Variants in IGF1R observed in about 807,000 individuals in gnomAD.
IGF1R encodes the protein insulin-like growth factor 1 receptor.
Under a neutral mutation model 144.6 loss-of-function variants are expected in IGF1R, and 44 were observed. That is an observed-to-expected ratio of 0.30 (90% CI 0.24 to 0.39). IGF1R has a LOEUF of 0.39. Ranked by LOEUF, IGF1R falls within the 10% of genes least tolerant of loss-of-function variation. IGF1R has a pLI of 1.00. For synonymous variants in IGF1R, 795 were observed against 722.8 expected, an observed-to-expected ratio of 1.10 and a Z score of -1.60; for missense variants, 1,355 against 1,833.7, an observed-to-expected ratio of 0.74 and a Z score of 4.77.
At chr15:98,811,050 C>T (rs2141456812) in intron 2 of IGF1R, among the ~76,000 whole-genome samples, 1 of 152,082 alleles carries the variant, frequency 6.6e-6, no homozygotes, top group Admixed American at 6.5e-5. Context: ...CCTGTAATCC[C>T]AGCACTTTGA....
At chr15:98,855,459 A>C (rs932180305) in intron 2 of IGF1R, among the ~76,000 whole-genome samples, 1 of 152,232 alleles carries the variant, frequency 6.6e-6, no homozygotes, top group Non-Finnish European at 1.5e-5. Flanking sequence ...TTTATCATCC[A>C]TAGATGGAGA....
intron 2 of IGF1R, among the ~76,000 whole-genome samples, chr15:98,716,226 T>G (rs183544637): frequency 9.9e-5 from 15 of 152,270 alleles, no homozygotes; most frequent in Admixed American, 4.6e-4. Context: ...ACTCTAAAAT[T>G]GAGTAAGTTA....
At chr15:98,731,699 A>G (rs1480728906) in intron 2 of IGF1R, among the ~76,000 whole-genome samples, 5 of 152,182 alleles carry the variant, frequency 3.3e-5, no homozygotes, top group South Asian at 2.1e-4. Context: ...CCTTCACGCT[A>G]CTGAACCCCA....
At chr15:98,949,951 C>T (rs979794641) in intron 20 of IGF1R, among the ~76,000 whole-genome samples, 2 of 152,168 alleles carry the variant, frequency 1.3e-5, no homozygotes, top group African/African-American at 4.8e-5. Flanking sequence ...ATCAGGCGCA[C>T]AACAGGTACA....
At chr15:98,654,168 C>T (rs1241522945) in intron 1 of IGF1R, among the ~76,000 whole-genome samples, 1 of 151,984 alleles carries the variant, frequency 6.6e-6, no homozygotes, top group East Asian at 1.9e-4. Flanking sequence ...AAGCCTTTAC[C>T]CTATACCTTT....
chr15:98,956,957 C>G, intron 20 of IGF1R, 104 bp from the exon 21 acceptor site: 1 of 1,312,140 alleles, frequency 7.6e-7, no homozygotes, highest in Non-Finnish European at 1.1e-6. Context: ...TCAGTGCTCC[C>G]GCCGTACGCT....
chr15:98,935,070 G>A lies in IGF1R; in HGVS notation c.3186+17G>A. ...CACCATGTGGTAAGAGAAAGTTCCT[G>A]AAAAGCCAAAATGCAGCACAGGGAG... On this transcript the variant is annotated intron_variant, in intron 16 of 20. Coordinates refer to ENST00000650285, the MANE Select transcript of IGF1R (RefSeq NM_000875.5). This position sits in a 1 kb window ranked among gnomAD's most constrained non-coding sequence, Gnocchi z 4.2. 1 of 1,595,268 alleles carries A rather than the reference G, an allele frequency of 6.3e-7. No homozygotes were observed. The highest frequency in any genetic ancestry group is 1.1e-5 in the South Asian group (1 of 90,644).
At chr15:98,951,466 T>A (rs1364447667) in intron 20 of IGF1R, among the ~76,000 whole-genome samples, 1 of 152,232 alleles carries the variant, frequency 6.6e-6, no homozygotes, top group Non-Finnish European at 1.5e-5. Flanking sequence ...TATCGCAGTA[T>A]AACAAACTAC....
intron 2 of IGF1R, among the ~76,000 whole-genome samples, chr15:98,887,427 T>C (rs1333085202): frequency 8.0e-6 from 1 of 125,582 alleles, no homozygotes; most frequent in Non-Finnish European, 1.6e-5. Context: ...TTTTCAACGT[T>C]CTTATTACTA....
intron 2 of IGF1R, among the ~76,000 whole-genome samples, chr15:98,780,558 AAAAAAAAAAAAAAAAAAGAGAG>A (rs2055834465): frequency 1.1e-4 from 2 of 17,880 alleles, no homozygotes; most frequent in African/African-American, 2.0e-4. Context: ...TCAAAAAAAA[AAAAAAAAAAAAAAAAAAGAGAG>A]AGAGAGTAAA....
intron 2 of IGF1R, among the ~76,000 whole-genome samples, chr15:98,844,816 T>C (rs2011251436): frequency 6.6e-6 from 1 of 152,338 alleles, no homozygotes; most frequent in Non-Finnish European, 1.5e-5. Flanking sequence ...TTCCCTAAGA[T>C]TCATTTAGCC....
chr15:98,764,187 A>T (rs2055376689), intron 2 of IGF1R, among the ~76,000 whole-genome samples: 1 of 152,210 alleles, frequency 6.6e-6, no homozygotes, highest in Non-Finnish European at 1.5e-5. Context: ...AGAGCTTTTA[A>T]TTACCTGAAG....
At chr15:98,812,433 T>C (rs2056611587) in intron 2 of IGF1R, among the ~76,000 whole-genome samples, 1 of 152,016 alleles carries the variant, frequency 6.6e-6, no homozygotes, top group Non-Finnish European at 1.5e-5. Context: ...CTCAGTTCAC[T>C]GCAATCTCCG....
At chr15:98,667,071 A>T (rs1281441206) in intron 1 of IGF1R, among the ~76,000 whole-genome samples, 2 of 152,180 alleles carry the variant, frequency 1.3e-5, no homozygotes, top group Non-Finnish European at 2.9e-5. Context: ...GGCCTTGAAA[A>T]AAAACGCAGG....
intron 2 of IGF1R, among the ~76,000 whole-genome samples, chr15:98,725,361 C>A (rs1012254781): frequency 5.9e-5 from 9 of 152,222 alleles, no homozygotes; most frequent in African/African-American, 1.9e-4. Context: ...CCTAGCATTT[C>A]ATCCCATGTT....
chr15:98,699,500 G>A (rs541616757), intron 1 of IGF1R, among the ~76,000 whole-genome samples: 1 of 152,320 alleles, frequency 6.6e-6, no homozygotes, highest in South Asian at 2.1e-4. Flanking sequence ...TGGAGTAACT[G>A]TCAGAGCAGA....
chr15:98,861,499 G>A (rs1367965474), intron 2 of IGF1R, among the ~76,000 whole-genome samples: 3 of 152,174 alleles, frequency 2.0e-5, no homozygotes, highest in Non-Finnish European at 4.4e-5. Flanking sequence ...CCTGCTTCTA[G>A]GGGACATTAG....
intron 1 of IGF1R, among the ~76,000 whole-genome samples, chr15:98,676,425 C>T (rs1418341685): frequency 1.3e-5 from 2 of 152,122 alleles, no homozygotes; most frequent in Non-Finnish European, 2.9e-5. Flanking sequence ...CGTGAGCCAC[C>T]GCTCCTGGCC....
At chr15:98,701,509 T>C (rs747502293) in intron 1 of IGF1R, among the ~76,000 whole-genome samples, 2 of 151,526 alleles carry the variant, frequency 1.3e-5, no homozygotes, top group East Asian at 3.9e-4. Context: ...GCTAATTTTG[T>C]TTTTGTATTT....
Sources: allele counts gnomAD v4.1 joint callset (sites outside exome capture counted in the v4.1 genomes callset), GRCh38; gene constraint gnomAD v4.1.1; non-coding constraint Gnocchi (gnomAD v3.1); transcripts MANE v1.5; gene names NCBI Gene and HGNC (gene_info 2026-07-23, HGNC 2026-07-21).